The following HPSE2 variants were observed in gnomAD, a reference collection of about 807,000 sequenced individuals.
HPSE2 encodes the protein inactive heparanase-2.
A neutral mutation model predicts 60.5 loss-of-function variants in HPSE2; 38 were observed. The ratio of observed to expected loss-of-function variants is 0.63; its 90% confidence interval spans 0.48 to 0.82. The LOEUF (loss-of-function observed/expected upper bound fraction) is 0.82. Among genes scored for constraint, HPSE2 ranks in the 40% least tolerant of loss-of-function variants. The pLI is 0.00. For synonymous variants in HPSE2, 295 were observed against 293.2 expected, an observed-to-expected ratio of 1.01 and a Z score of -0.06; for missense variants, 713 against 740.4, an observed-to-expected ratio of 0.96 and a Z score of 0.43.
At chr10:98,667,069 G>A (rs1023498419) in intron 6 of HPSE2, among the ~76,000 whole-genome samples, 1 of 151,476 alleles carries the variant, frequency 6.6e-6, no homozygotes, top group Non-Finnish European at 1.5e-5. Flanking sequence ...AGCACAATCA[G>A]AAAGACAAAG....
intron 3 of HPSE2, among the ~76,000 whole-genome samples, chr10:98,871,697 G>A (rs1952736852): frequency 6.6e-6 from 1 of 151,930 alleles, no homozygotes; most frequent in African/African-American, 2.4e-5. Flanking sequence ...GATTTAGTAG[G>A]GCAGGTTATT....
chr10:99,296,417 G>A, the HPSE2 span, among the ~76,000 whole-genome samples: 1 of 152,122 alleles, frequency 6.6e-6, no homozygotes, highest in African/African-American at 2.4e-5. Flanking sequence ...GCCCCTTTCT[G>A]CGGAAATGAC....
intron 3 of HPSE2, among the ~76,000 whole-genome samples, chr10:99,082,305 G>A (rs1191900490): frequency 6.6e-6 from 1 of 152,180 alleles, no homozygotes; most frequent in Admixed American, 6.5e-5. Flanking sequence ...CAGCTGGAAA[G>A]TTCCCAAAAG....
At chr10:98,471,150 C>A (rs756665789) in intron 11 of HPSE2, among the ~76,000 whole-genome samples, 1 of 152,282 alleles carries the variant, frequency 6.6e-6, no homozygotes, top group African/African-American at 2.4e-5. Flanking sequence ...AATGGCATAG[C>A]GCCTGAATGA....
At chr10:99,013,156 C>G in intron 3 of HPSE2, 1 of 673,868 alleles carries the variant, frequency 1.5e-6, no homozygotes, top group Non-Finnish European at 2.8e-6. Context: ...AATCCCTCAC[C>G]AGTTAGAGAA....
chr10:98,567,133 A>G (rs1944369564), intron 9 of HPSE2, among the ~76,000 whole-genome samples: 1 of 152,136 alleles, frequency 6.6e-6, no homozygotes, highest in South Asian at 2.1e-4. Context: ...TGCATTTTTT[A>G]TAAGCTTCCC....
intron 3 of HPSE2, among the ~76,000 whole-genome samples, chr10:99,019,711 T>C (rs1247542765): frequency 6.9e-6 from 1 of 144,864 alleles, no homozygotes; most frequent in Non-Finnish European, 1.5e-5. Context: ...ATTTAGTTTT[T>C]TGTTGTTTTT....
At chr10:99,241,780 T>C in the HPSE2 span, among the ~76,000 whole-genome samples, 1 of 152,114 alleles carries the variant, frequency 6.6e-6, no homozygotes, top group Non-Finnish European at 1.5e-5. Context: ...AAAAAAATTA[T>C]ACAATTGTGC....
At chr10:98,662,153 A>G (rs1947242215) in intron 6 of HPSE2, among the ~76,000 whole-genome samples, 1 of 152,156 alleles carries the variant, frequency 6.6e-6, no homozygotes, top group Non-Finnish European at 1.5e-5. Context: ...TCGGCTTCCC[A>G]GAGTGCCAGG....
intron 6 of HPSE2, among the ~76,000 whole-genome samples, chr10:98,657,773 A>G (rs1288165847): frequency 3.3e-5 from 5 of 152,246 alleles, no homozygotes; most frequent in African/African-American, 9.6e-5. Context: ...TCACAAAGAC[A>G]TTAACTTTAG....
intron 6 of HPSE2, among the ~76,000 whole-genome samples, chr10:98,644,334 A>G (rs1336411321): frequency 6.6e-6 from 1 of 152,236 alleles, no homozygotes; most frequent in African/African-American, 2.4e-5. Context: ...GGCAGCAGAA[A>G]CTTACACTGA....
chr10:99,132,128 GA>G (rs1845409102), intron 3 of HPSE2, among the ~76,000 whole-genome samples: 1 of 121,490 alleles, frequency 8.2e-6, no homozygotes, highest in Non-Finnish European at 1.7e-5. Context: ...AGAAAAGAAA[GA>G]AAGGAAAGAA....
intron 9 of HPSE2, among the ~76,000 whole-genome samples, chr10:98,526,978 G>A (rs565527270): frequency 6.6e-6 from 1 of 152,272 alleles, no homozygotes; most frequent in Non-Finnish European, 1.5e-5. Context: ...TCGGGTTTGT[G>A]CAGTATTGAT....
chr10:99,129,594 C>T (rs1845299572), intron 3 of HPSE2, among the ~76,000 whole-genome samples: 2 of 151,448 alleles, frequency 1.3e-5, no homozygotes, highest in African/African-American at 4.8e-5. Flanking sequence ...GAATCATAAC[C>T]GTGATTCAAC....
chr10:99,247,748 T>C, the HPSE2 span, among the ~76,000 whole-genome samples: 1 of 152,204 alleles, frequency 6.6e-6, no homozygotes, highest in Non-Finnish European at 1.5e-5. Flanking sequence ...GGAATTCTAA[T>C]CCCCAATGTT....
At chr10:99,168,926 GGC>G (rs1458346280) in intron 2 of HPSE2, among the ~76,000 whole-genome samples, 4 of 152,200 alleles carry the variant, frequency 2.6e-5, no homozygotes, top group Non-Finnish European at 5.9e-5. Flanking sequence ...CGGGCATGGT[GGC>G]TTGCGCCTGT....
intron 3 of HPSE2, among the ~76,000 whole-genome samples, chr10:99,024,510 G>C (rs1957333552): frequency 1.3e-5 from 2 of 152,038 alleles, no homozygotes; most frequent in Admixed American, 1.3e-4. Context: ...TTTACTCAAA[G>C]GGATAATAAC....
At chr10:98,877,034 TA>T (rs953132904) in intron 3 of HPSE2, among the ~76,000 whole-genome samples, 74 of 151,348 alleles carry the variant, frequency 4.9e-4, no homozygotes, top group African/African-American at 1.5e-3. Context: ...GAATATTTTG[TA>T]AAAAAAAATC....
chr10:98,706,766 G>A (rs1948557914), intron 5 of HPSE2, among the ~76,000 whole-genome samples: 1 of 152,176 alleles, frequency 6.6e-6, no homozygotes, highest in Admixed American at 6.5e-5. Flanking sequence ...CAGGGAACAA[G>A]TAAGGGAATG....
Sources: allele counts gnomAD v4.1 joint callset (sites outside exome capture counted in the v4.1 genomes callset), GRCh38; gene constraint gnomAD v4.1.1; transcripts MANE v1.5; gene names NCBI Gene and HGNC (gene_info 2026-07-23, HGNC 2026-07-21).